UBE2W: variants seen among roughly 807,000 people sequenced by gnomAD.
The protein encoded by UBE2W is ubiquitin-conjugating enzyme E2 W.
In UBE2W, 18 loss-of-function variants were observed where a neutral mutation model predicts 27.2. The ratio of observed to expected loss-of-function variants is 0.66; its 90% CI spans 0.46 to 0.98. The LOEUF (loss-of-function observed/expected upper bound fraction) is 0.98. Ranked by LOEUF, UBE2W falls within the 50% of genes least tolerant of loss-of-function variation. The probability of loss-of-function intolerance (pLI) is 0.00; values close to 1 mark genes in which losing one functional copy is unlikely to be tolerated. For missense variants in UBE2W, 90 were observed against 180.2 expected, an observed-to-expected ratio of 0.50 and a Z score of 2.87; for synonymous variants, 53 against 57.2, an observed-to-expected ratio of 0.93 and a Z score of 0.33.
In UBE2W at chr8:73,786,798, G is replaced by C. The variant is rs77267558; in HGVS notation, c.*7304C>G. 9.9e-4 allele frequency: 972 copies of C among 985,354 alleles called. 8 individuals carry two copies. In the African/African-American group the frequency reaches 0.016, roughly 16 times the overall value. The allele number at this position is 985,354 out of a possible 1,614,324, so 61.0% of individuals were successfully genotyped here. On this transcript the variant is annotated 3_prime_UTR_variant, in exon 6 of 6. Transcript: ENST00000602593. ...GACATTTTAAAGTTACACTCAACAG[G>C]ACTTGAAAAATGCAAGGAGAGGACT...
At position 73,878,827 on chromosome 8, in the gene UBE2W, G is replaced by C. The variant is rs1167438430; in HGVS notation, c.-5C>G. 4 of 1,550,720 alleles carry C rather than the reference G, an allele frequency of 2.6e-6. No individual in the cohort carries two copies. The African/African-American group carries it at 4.1e-5, about 16-fold the overall frequency. On this transcript the variant is annotated 5_prime_UTR_variant, in exon 1 of 6. Coordinates refer to ENST00000602593, the MANE Select transcript of UBE2W (RefSeq NM_018299.6). ...TCTCACCTGCATTGACGCCATGATG[G>C]AACCATCCCCCCAAGACCGGCGAGG...
At chr8:73,810,682 CTAAAA>C in intron 3 of UBE2W, 53 bp from the exon 4 acceptor site, 1 of 1,370,282 alleles carries the variant, frequency 7.3e-7, no homozygotes, top group South Asian at 1.6e-5. Flanking sequence ...CTACCAAAAA[CTAAAA>C]TATTCTCCAC....
exon 5 of UBE2W, chr8:73,780,510 T>C (rs1214530831): frequency 4.4e-6 from 2 of 452,424 alleles, no homozygotes; most frequent in Non-Finnish European, 8.9e-6. Context: ...TGAAGGCAGA[T>C]TTCAGTTCTG....
intron 5 of UBE2W, among the ~76,000 whole-genome samples, chr8:73,802,606 T>C (rs905737965): frequency 6.6e-6 from 1 of 152,230 alleles, no homozygotes; most frequent in Non-Finnish European, 1.5e-5. Context: ...ATTTTAAAAA[T>C]AGGCCAGGCG....
intron 3 of UBE2W, among the ~76,000 whole-genome samples, chr8:73,816,466 T>C (rs1809389397): frequency 6.6e-6 from 1 of 152,198 alleles, no homozygotes; most frequent in African/African-American, 2.4e-5. Context: ...ACATAGGTTC[T>C]GGATCTCTGC....
At position 73,810,504 on chromosome 8, in the gene UBE2W, A is replaced by G; in HGVS notation, c.336T>C (p.Ile112=). The change falls in exon 4 of 6, where the codon ATT becomes ATC. Residue 112 remains isoleucine, a synonymous_variant. Coordinates refer to ENST00000602593, the MANE Select transcript of UBE2W (RefSeq NM_018299.6). ...ALSVQSVCLS[I]ISMLSSCKEK... ...CCTTGCAGCTGGAAAGCATGCTAATAATGCTAAGACAAACTGATTGGACTG... is the reference window on the plus strand; with the variant it reads ...CCTTGCAGCTGGAAAGCATGCTAATGATGCTAAGACAAACTGATTGGACTG... 1 of 1,612,076 alleles carries G rather than the reference A, an allele frequency of 6.2e-7. No individual in the cohort carries two copies. The highest frequency in any genetic ancestry group is 8.5e-7 in the Non-Finnish European group (1 of 1,179,396).
intron 1 of UBE2W, among the ~76,000 whole-genome samples, chr8:73,845,260 T>C (rs1479909217): frequency 2.6e-5 from 4 of 152,234 alleles, no homozygotes; most frequent in African/African-American, 7.2e-5. Context: ...GGCGGTTTTG[T>C]CGAACAGAAA....
chr8:73,862,735 AAAAC>A (rs1811580252), intron 1 of UBE2W, among the ~76,000 whole-genome samples: 1 of 127,664 alleles, frequency 7.8e-6, no homozygotes, highest in African/African-American at 3.1e-5. Context: ...TTACAAGAAA[AAAAC>A]AAACAACCCC....
At chr8:73,846,931 G>A (rs1382455146) in intron 1 of UBE2W, among the ~76,000 whole-genome samples, 3 of 152,174 alleles carry the variant, frequency 2.0e-5, no homozygotes, top group African/African-American at 7.2e-5. Flanking sequence ...CCAGAACTTT[G>A]GGAGGCCGAG....
chr8:73,822,867 T>G (rs1309284618), intron 3 of UBE2W, among the ~76,000 whole-genome samples: 4 of 151,870 alleles, frequency 2.6e-5, no homozygotes, highest in Admixed American at 1.3e-4. Context: ...CTTTCAAATG[T>G]AGGAGGGAGG....
At chr8:73,873,861 C>G (rs909843512) in intron 1 of UBE2W, among the ~76,000 whole-genome samples, 1 of 152,032 alleles carries the variant, frequency 6.6e-6, no homozygotes, top group Non-Finnish European at 1.5e-5. Flanking sequence ...TTCAACTGAC[C>G]ATTTCTCTCA....
At chr8:73,848,228 T>A (rs950212926) in intron 1 of UBE2W, among the ~76,000 whole-genome samples, 2 of 150,450 alleles carry the variant, frequency 1.3e-5, no homozygotes, top group Admixed American at 6.6e-5. Flanking sequence ...AAATAAATAA[T>A]TGGTAAATTG....
At chr8:73,866,105 G>A (rs946656411) in intron 1 of UBE2W, among the ~76,000 whole-genome samples, 2 of 151,220 alleles carry the variant, frequency 1.3e-5, no homozygotes, top group African/African-American at 4.9e-5. Context: ...GTGAAACCCC[G>A]TCTAAAAATA....
chr8:73,854,844 A>G (rs899654154), intron 1 of UBE2W, among the ~76,000 whole-genome samples: 11 of 152,246 alleles, frequency 7.2e-5, no homozygotes, highest in Non-Finnish European at 1.6e-4. Flanking sequence ...CAGTTACATA[A>G]AGTCAATTAA....
chr8:73,826,141 C>T (rs1214831498), intron 2 of UBE2W, among the ~76,000 whole-genome samples: 1 of 151,578 alleles, frequency 6.6e-6, no homozygotes, highest in Non-Finnish European at 1.5e-5. Context: ...TCCTTTATCT[C>T]TCACTATGTT....
Position 73,791,857 on chromosome 8 carries a change from A to G in UBE2W, c.*2245T>C, listed in dbSNP as rs1342442850. The G allele has an allele frequency of 1.0e-6, 1 of 984,484 alleles. No individual in the cohort carries two copies. The highest frequency in any genetic ancestry group is 1.7e-5 in the African/African-American group (1 of 57,166). 61.0% of individuals were successfully genotyped at this position (984,484 alleles called of 1,614,324 possible). On this transcript the variant is annotated 3_prime_UTR_variant, in exon 6 of 6. Transcript: ENST00000602593. ...GTGTCATTTTAGTTTACTTTATGGT[A>G]TTTATATGTAGAGAGAGAGGTATGT...
chr8:73,786,984 T>C lies in UBE2W; in HGVS notation c.*7118A>G. Reference sequence around the variant, plus strand: ...TATATTAGGATCTTGTCTAATGACATATATTCACCCACATTAAGTCCCTGA... The same window carrying C: ...TATATTAGGATCTTGTCTAATGACACATATTCACCCACATTAAGTCCCTGA... On this transcript the variant is annotated 3_prime_UTR_variant, in exon 6 of 6. Transcript: ENST00000602593. 1.0e-6 allele frequency: 1 copy of C among 985,454 alleles called. No individual in the cohort carries two copies. Among genetic ancestry groups the C allele is most frequent in the Non-Finnish European group, 1.2e-6 (1 of 829,934 alleles). The allele number at this position is 985,454 out of a possible 1,614,324, so 61.0% of individuals were successfully genotyped here.
intron 1 of UBE2W, among the ~76,000 whole-genome samples, chr8:73,871,592 C>T (rs2130994580): frequency 6.6e-6 from 1 of 152,286 alleles, no homozygotes; most frequent in South Asian, 2.1e-4. Context: ...AAAGCATGCG[C>T]TGTTTTTTGG....
intron 1 of UBE2W, among the ~76,000 whole-genome samples, chr8:73,836,027 G>C (rs1810296603): frequency 6.6e-6 from 1 of 152,146 alleles, no homozygotes; most frequent in Non-Finnish European, 1.5e-5. Flanking sequence ...TCTGATTCCT[G>C]ACCCTCGGAA....
Sources: gnomAD v4.1 joint callset for allele counts (sites outside exome capture counted in the v4.1 genomes callset) on GRCh38, gnomAD v4.1.1 for gene constraint, MANE v1.5 for transcripts, NCBI Gene and HGNC (gene_info 2026-07-23, HGNC 2026-07-21) for gene names.